Variants in CCDC85A observed in about 807,000 individuals in gnomAD.
The protein encoded by CCDC85A is coiled-coil domain containing 85A, also known as coiled-coil domain-containing protein 85A.
Under a neutral mutation model 50.2 loss-of-function variants are expected in CCDC85A, and 38 were observed. That is an observed-to-expected ratio of 0.76 (90% CI 0.58 to 0.99). The LOEUF is 0.99. CCDC85A is among the 50% of genes least tolerant of loss of function. The probability of loss-of-function intolerance (pLI) is 0.00; values close to 1 mark genes in which losing one functional copy is unlikely to be tolerated. For missense variants in CCDC85A, 820 were observed against 742.0 expected, an observed-to-expected ratio of 1.11 and a Z score of -1.22; for synonymous variants, 366 against 301.4, an observed-to-expected ratio of 1.21 and a Z score of -2.22.
chr2:56,385,929 T>C lies in CCDC85A; in HGVS notation c.*1574T>C, dbSNP rs901491072. The C allele has an allele frequency of 3.5e-4, 54 of 152,202 alleles. No individual in the cohort carries two copies. Among genetic ancestry groups the C allele is most frequent in the African/African-American group, 1.3e-3 (52 of 41,490 alleles). The allele number at this position is 152,202 out of a possible 1,614,324, so 9.4% of individuals were successfully genotyped here. A position where few individuals can be genotyped will look rare whatever the true frequency, so the allele number is the denominator to read the frequency against. The stretch of plus-strand genomic sequence containing the variant: ...AAAATTGCTTGCTATATTTACACCT[T>C]CTTTCCTAGGAAAGCTTTCATCCTT... On this transcript the variant is annotated 3_prime_UTR_variant, in exon 6 of 6. Transcript: ENST00000407595.
intron 2 of CCDC85A, among the ~76,000 whole-genome samples, chr2:56,228,377 A>G (rs1668631365): frequency 6.6e-6 from 1 of 151,910 alleles, no homozygotes; most frequent in Non-Finnish European, 1.5e-5. Flanking sequence ...CCCATCTTAC[A>G]AGGTTGTTAT....
In CCDC85A at chr2:56,330,436, A is replaced by G. The variant is rs933573393; in HGVS notation, c.1241-12443A>G. Among the ~76,000 whole-genome samples the G allele has an allele frequency of 2.6e-5, 4 of 152,288 alleles. No homozygotes were observed. The Middle Eastern group carries it at 0.01, about 388-fold the overall frequency. ...GTAGAAATTTAACTGCATCTTGAATAATTGCTTCAAACTGTCCTGGGAGCA... is the reference window on the plus strand; with the variant it reads ...GTAGAAATTTAACTGCATCTTGAATGATTGCTTCAAACTGTCCTGGGAGCA... On this transcript the variant is annotated intron_variant, in intron 2 of 5. Transcript: ENST00000407595.
At chr2:56,350,511 G>T (rs1674865236) in intron 3 of CCDC85A, among the ~76,000 whole-genome samples, 2 of 152,146 alleles carry the variant, frequency 1.3e-5, no homozygotes, top group Admixed American at 1.3e-4. Flanking sequence ...GGGAAACATT[G>T]TATAGTGTTA....
intron 2 of CCDC85A, among the ~76,000 whole-genome samples, chr2:56,193,668 T>G (rs1270578846): frequency 6.6e-6 from 1 of 152,080 alleles, no homozygotes; most frequent in Admixed American, 6.5e-5. Context: ...GGATGAGGGT[T>G]TATGGGAGGG....
In CCDC85A at chr2:56,291,898, A is replaced by G. The variant is rs573349739; in HGVS notation, c.1241-50981A>G. Among the ~76,000 whole-genome samples the G allele has an allele frequency of 4.6e-5, 7 of 151,792 alleles. No homozygotes were observed. The South Asian group carries it at 1.5e-3, about 32-fold the overall frequency. ...CAGGATGAGTGGAAGTAGAGAGCCC[A>G]GTGGGAGGCTGGTGCAGGCCCAGGT... On this transcript the variant is annotated intron_variant, in intron 2 of 5. Coordinates refer to ENST00000407595, the MANE Select transcript of CCDC85A (RefSeq NM_001080433.2).
At chr2:56,196,794 A>G (rs560496595) in intron 2 of CCDC85A, among the ~76,000 whole-genome samples, 2 of 152,216 alleles carry the variant, frequency 1.3e-5, no homozygotes, top group Non-Finnish European at 1.5e-5. Flanking sequence ...TATTAATTCT[A>G]GAAGCACATA....
At chr2:56,332,867 A>G (rs1283559578) in intron 2 of CCDC85A, among the ~76,000 whole-genome samples, 1 of 152,206 alleles carries the variant, frequency 6.6e-6, no homozygotes, top group African/African-American at 2.4e-5. Context: ...CAGAATTGGA[A>G]TTAGGCCCTA....
chr2:56,331,930 C>T (rs1403220230), intron 2 of CCDC85A, among the ~76,000 whole-genome samples: 1 of 152,176 alleles, frequency 6.6e-6, no homozygotes, highest in Non-Finnish European at 1.5e-5. Context: ...TGGACTGCTG[C>T]CCCCTGCCCC....
rs766652369 is a variant in CCDC85A at position 56,375,886 on chromosome 2, G to T, written c.1523G>T (p.Gly508Val). ...SSPNSAASFS[G>V]HATPSQQPEP... Reference sequence around the variant, plus strand: ...CCCAACTCTGCAGCTAGCTTCAGTGGACATGCCACACCTTCCCAGCAGCCT... The same window carrying T: ...CCCAACTCTGCAGCTAGCTTCAGTGTACATGCCACACCTTCCCAGCAGCCT... Residue 508 changes from glycine (G) to valine (V), a missense_variant, in exon 5 of 6, where the codon GGA becomes GTA. Gly to Val is a moderately radical substitution (Grantham distance 109). Coordinates refer to ENST00000407595, the MANE Select transcript of CCDC85A (RefSeq NM_001080433.2). 31 of 1,613,682 alleles carry T rather than the reference G, an allele frequency of 1.9e-5. No individual in the cohort carries two copies. Among genetic ancestry groups the T allele is most frequent in the Non-Finnish European group, 2.5e-5 (29 of 1,179,808 alleles).
At chr2:56,276,414 G>T (rs779553625) in intron 2 of CCDC85A, among the ~76,000 whole-genome samples, 4 of 152,052 alleles carry the variant, frequency 2.6e-5, no homozygotes, top group Non-Finnish European at 4.4e-5. Flanking sequence ...ATCTTGAATT[G>T]TAACTCCTGA....
chr2:56,305,670 T>C (rs1268197174), intron 2 of CCDC85A, among the ~76,000 whole-genome samples: 1 of 152,244 alleles, frequency 6.6e-6, no homozygotes, highest in East Asian at 1.9e-4. Context: ...ACAGGCAGAA[T>C]CCAGCAAATT....
intron 2 of CCDC85A, among the ~76,000 whole-genome samples, chr2:56,334,363 A>C (rs1467754355): frequency 6.6e-6 from 1 of 152,098 alleles, no homozygotes; most frequent in Non-Finnish European, 1.5e-5. Flanking sequence ...TATTCATTAA[A>C]CTCCTGCAGG....
chr2:56,287,285 A>T (rs1671489079), intron 2 of CCDC85A, among the ~76,000 whole-genome samples: 1 of 152,072 alleles, frequency 6.6e-6, no homozygotes, highest in Non-Finnish European at 1.5e-5. Flanking sequence ...TGCCCTACAC[A>T]TTCTGGTTGC....
chr2:56,214,444 C>T (rs959651296), intron 2 of CCDC85A, among the ~76,000 whole-genome samples: 4 of 151,886 alleles, frequency 2.6e-5, no homozygotes, highest in Non-Finnish European at 4.4e-5. Flanking sequence ...TCAGTGGTCA[C>T]GTATTTGAAA....
At position 56,343,234 on chromosome 2, in the gene CCDC85A, A is replaced by G. The variant is rs76182546; in HGVS notation, c.1317+279A>G. Among the ~76,000 whole-genome samples, 988 of 152,316 alleles carry G rather than the reference A, an allele frequency of 6.5e-3. 9 individuals are homozygous for G. The highest frequency in any genetic ancestry group is 0.022 in the African/African-American group (931 of 41,556). ...AAGGATAAAATAATGAGAAGTAGAA[A>G]ATAAAGACATGTCGATAGTACTACT... On this transcript the variant is annotated intron_variant, in intron 3 of 5. Transcript: ENST00000407595.
chr2:56,193,772 C>G (rs1343047230), intron 2 of CCDC85A, among the ~76,000 whole-genome samples: 4 of 152,156 alleles, frequency 2.6e-5, no homozygotes, highest in Non-Finnish European at 4.4e-5. Context: ...AGTCTTTCAT[C>G]TTAAACCTGA....
At chr2:56,338,439 T>C (rs1674190006) in intron 2 of CCDC85A, among the ~76,000 whole-genome samples, 1 of 152,106 alleles carries the variant, frequency 6.6e-6, no homozygotes, top group Admixed American at 6.5e-5. Context: ...GGAAGGGGGT[T>C]GCAGCGGATG....
chr2:56,375,737 G>A (rs534178682), intron 4 of CCDC85A, 79 bp from the exon 5 acceptor site: 1 of 1,449,990 alleles, frequency 6.9e-7, no homozygotes, highest in East Asian at 2.4e-5. Context: ...ATTTGGTAGT[G>A]AAATTGAATA....
chr2:56,184,849 C>G lies in CCDC85A; in HGVS notation c.225C>G (p.Arg75=), dbSNP rs752453675. ...SAMLDHSNLI[R]EVNRRLQLHL... The stretch of plus-strand genomic sequence containing the variant: ...TGCTGGACCACAGCAACCTCATCCG[C>G]GAGGTGAACCGCCGCCTGCAGCTGC... The change falls in exon 1 of 6, where the codon CGC becomes CGG. Residue 75 remains arginine, a synonymous_variant. Transcript: ENST00000407595. 2.6e-6 allele frequency: 4 copies of G among 1,539,410 alleles called. No homozygotes were observed. The highest frequency in any genetic ancestry group is 2.6e-6 in the Non-Finnish European group (3 of 1,144,442).
Sources: allele counts gnomAD v4.1 joint callset (sites outside exome capture counted in the v4.1 genomes callset), GRCh38; gene constraint gnomAD v4.1.1; transcripts MANE v1.5; gene names NCBI Gene and HGNC (gene_info 2026-07-23, HGNC 2026-07-21).